Variants in GLYCTK observed in about 807,000 individuals in gnomAD.
The protein encoded by GLYCTK is HBeAg binding protein 4.
In GLYCTK, 22 loss-of-function variants were observed where a neutral mutation model predicts 24.8. The observed-to-expected ratio is 0.89, with a 90% CI of 0.63 to 1.27. The LOEUF (loss-of-function observed/expected upper bound fraction) is 1.27. Among genes scored for constraint, GLYCTK ranks in the 50% most tolerant of loss-of-function variants. GLYCTK has a pLI of 0.00. For synonymous variants in GLYCTK, 320 were observed against 297.2 expected, an observed-to-expected ratio of 1.08 and a Z score of -0.79; for missense variants, 684 against 686.7, an observed-to-expected ratio of 1.00 and a Z score of 0.04.
chr3:52,290,316 G>A lies in GLYCTK; in HGVS notation c.-27G>A, dbSNP rs1159827102. On this transcript the variant is annotated 5_prime_UTR_variant, in exon 2 of 5. Transcript: ENST00000436784. ...TTTTTCCCTCTAGGCAGCCATGGGTGCCAGGCAGTGCTGAGAGCAGTGGGG... is the reference window on the plus strand; with the variant it reads ...TTTTTCCCTCTAGGCAGCCATGGGTACCAGGCAGTGCTGAGAGCAGTGGGG... 1.3e-6 allele frequency: 2 copies of A among 1,591,562 alleles called. No homozygotes were observed. Among genetic ancestry groups the A allele is most frequent in the African/African-American group, 2.7e-5 (2 of 74,770 alleles).
In GLYCTK at chr3:52,291,795, A is replaced by G. The variant is rs747941622; in HGVS notation, c.578A>G (p.Glu193Gly). ...GCCCCCATCCCACCTGTCACACTGG[A>G]GGAGAAGCAGACACTCACTAGACTG... is the stretch of plus-strand genomic sequence containing the variant. ...LPAPIPPVTLEEKQTLTRLLA... is the reference protein window; with the variant it reads ...LPAPIPPVTLGEKQTLTRLLA... The change falls in exon 4 of 5, where the codon GAG becomes GGG. Residue 193 changes from glutamate (E) to glycine (G), a missense_variant. Coordinates refer to ENST00000436784, the MANE Select transcript of GLYCTK (RefSeq NM_145262.4). The G allele has an allele frequency of 3.0e-5, 48 of 1,613,632 alleles. No individual in the cohort carries two copies. The Middle Eastern group carries it at 8.2e-4, about 28-fold the overall frequency.
chr3:52,294,342 A>C lies in GLYCTK; in HGVS notation c.*1216A>C, dbSNP rs373806838. 1 of 533,592 alleles carries C rather than the reference A, an allele frequency of 1.9e-6. No homozygotes were observed. The highest frequency in any genetic ancestry group is 1.9e-5 in the Admixed American group (1 of 51,546). The allele number at this position is 533,592 out of a possible 1,614,324, so 33.1% of individuals were successfully genotyped here. On this transcript the variant is annotated 3_prime_UTR_variant, in exon 5 of 5. Coordinates refer to ENST00000436784, the MANE Select transcript of GLYCTK (RefSeq NM_145262.4). ...TCTTGCAGGCACTTCTTCCACCCCA[A>C]CCCTCCCCTCCTCCCTGAGGGTGTG...
chr3:52,293,567 G>T lies in GLYCTK; in HGVS notation c.*441G>T, dbSNP rs1337586920. 3 of 460,208 alleles carry T rather than the reference G, an allele frequency of 6.5e-6. No homozygotes were observed. The highest frequency in any genetic ancestry group is 4.0e-5 in the African/African-American group (2 of 50,268). 28.5% of individuals were successfully genotyped at this position (460,208 alleles called of 1,614,324 possible). On this transcript the variant is annotated 3_prime_UTR_variant, in exon 5 of 5. Transcript: ENST00000436784. ...GCTGCAGCCACAGTACCAGGGCCTGGCAGGACTCTTAACACCCCTCTACTG... is the reference window on the plus strand; with the variant it reads ...GCTGCAGCCACAGTACCAGGGCCTGTCAGGACTCTTAACACCCCTCTACTG...
In GLYCTK at chr3:52,291,124, A is replaced by G. The variant is rs1700455179; in HGVS notation, c.529+13A>G. ...GTGCTGATCTCAGGTGTGGTACCAC[A>G]TTGGCCCAAGACTGTTGGTGGGGGG... On this transcript the variant is annotated intron_variant, in intron 3 of 4. Coordinates refer to ENST00000436784, the MANE Select transcript of GLYCTK (RefSeq NM_145262.4). 1.2e-6 allele frequency: 2 copies of G among 1,607,792 alleles called. No individual in the cohort carries two copies. The highest frequency in any genetic ancestry group is 1.7e-6 in the Non-Finnish European group (2 of 1,179,910).
At position 52,294,108 on chromosome 3, in the gene GLYCTK, A is replaced by G. The variant is rs1398050638; in HGVS notation, c.*982A>G. The G allele has an allele frequency of 3.8e-6, 2 of 527,042 alleles. No individual in the cohort carries two copies. The highest frequency in any genetic ancestry group is 2.8e-5 in the South Asian group (2 of 71,296). The allele number at this position is 527,042 out of a possible 1,614,324, so 32.6% of individuals were successfully genotyped here. ...CTGGCGGGAGAAGAGGCAAGTGGGA[A>G]TAGAGGAACGGCTGTGTTGGCCTGG... On this transcript the variant is annotated 3_prime_UTR_variant, in exon 5 of 5. Coordinates refer to ENST00000436784, the MANE Select transcript of GLYCTK (RefSeq NM_145262.4).
Position 52,292,306 on chromosome 3 carries a change from T to C in GLYCTK, c.752T>C (p.Val251Ala), listed in dbSNP as rs1578029548. The change falls in exon 5 of 5, where the codon GTG becomes GCG. Residue 251 changes from valine (V) to alanine (A), a missense_variant. Transcript: ENST00000436784. The stretch of plus-strand genomic sequence containing the variant: ...GATGTGGTGGGGGACCCTGTGGAGG[T>C]GATTGCCAGTGGCCCCACCGTGGCC... Reference protein sequence around the residue: ...LSDVVGDPVEVIASGPTVASS... With the variant: ...LSDVVGDPVEAIASGPTVASS... The C allele has an allele frequency of 6.2e-7, 1 of 1,613,550 alleles. No homozygotes were observed. The highest frequency in any genetic ancestry group is 2.2e-5 in the East Asian group (1 of 44,854).
chr3:52,292,349 A>G lies in GLYCTK; in HGVS notation c.795A>G (p.Gln265=), dbSNP rs773641935. The G allele has an allele frequency of 1.9e-6, 3 of 1,613,990 alleles. No individual in the cohort carries two copies. Among genetic ancestry groups the G allele is most frequent in the Middle Eastern group, 1.7e-4 (1 of 6,058 alleles). ...GPTVASSHNV[Q]DCLHILNRYG... is the part of the protein sequence containing the mutation. ...CCGTGGCCAGTTCCCACAATGTGCA[A>G]GATTGCCTGCATATCCTCAATCGCT... Residue 265 remains glutamine, a synonymous_variant, in exon 5 of 5, where the codon CAA becomes CAG. Coordinates refer to ENST00000436784, the MANE Select transcript of GLYCTK (RefSeq NM_145262.4).
At chr3:52,291,143 T>C in intron 3 of GLYCTK, 32 bp downstream of exon 3, 1 of 1,603,724 alleles carries the variant, frequency 6.2e-7, no homozygotes, top group Non-Finnish European at 8.5e-7. Context: ...AGACTGTTGG[T>C]GGGGGGTGCA....
chr3:52,293,582 C>A lies in GLYCTK; in HGVS notation c.*456C>A. ...CCAGGGCCTGGCAGGACTCTTAACA[C>A]CCCTCTACTGGGCTGGGTACGTGCA... On this transcript the variant is annotated 3_prime_UTR_variant, in exon 5 of 5. Coordinates refer to ENST00000436784, the MANE Select transcript of GLYCTK (RefSeq NM_145262.4). 1 of 458,130 alleles carries A rather than the reference C, an allele frequency of 2.2e-6. No homozygotes were observed. The highest frequency in any genetic ancestry group is 1.6e-5 in the South Asian group (1 of 64,514). 28.4% of individuals were successfully genotyped at this position (458,130 alleles called of 1,614,324 possible). A position where few individuals can be genotyped will look rare whatever the true frequency, so the allele number is the denominator to read the frequency against.
rs774685756 is a variant in GLYCTK, at chr3:52,290,510, C to G, written c.168C>G (p.His56Gln). 2.5e-6 allele frequency: 4 copies of G among 1,613,526 alleles called. No homozygotes were observed. The highest frequency in any genetic ancestry group is 3.4e-6 in the Non-Finnish European group (4 of 1,180,028). Residue 56 changes from histidine (H) to glutamine (Q), a missense_variant, in exon 2 of 5, where the codon CAC (histidine) becomes CAG (glutamine). By Grantham distance (24) the His-to-Gln change is conservative. Transcript: ENST00000436784. Reference sequence around the variant, plus strand: ...CAGTGCTGCCGGGCCCCATGCTGCACCGGGCACTATCCTTGGACCCTGGTG... The same window carrying G: ...CAGTGCTGCCGGGCCCCATGCTGCAGCGGGCACTATCCTTGGACCCTGGTG... ...VGAVLPGPMLHRALSLDPGGR... is the reference protein window; with the variant it reads ...VGAVLPGPMLQRALSLDPGGR...
rs142600716 is a variant in GLYCTK, at chr3:52,292,402, C to T, written c.848C>T (p.Ser283Phe). 8.1e-5 allele frequency: 130 copies of T among 1,613,768 alleles called. No homozygotes were observed. The African/African-American group carries it at 1.6e-3, about 19-fold the overall frequency. ...GGCCTCCGTGCAGCCCTGCCACGTTCTGTGAAGACTGTGCTGTCTCGGGCC... is the reference window on the plus strand; with the variant it reads ...GGCCTCCGTGCAGCCCTGCCACGTTTTGTGAAGACTGTGCTGTCTCGGGCC... The part of the protein sequence containing the change: ...RYGLRAALPR[S>F]VKTVLSRADS... The change falls in exon 5 of 5, where the codon TCT becomes TTT. Residue 283 changes from serine to phenylalanine, a missense_variant. Coordinates refer to ENST00000436784, the MANE Select transcript of GLYCTK (RefSeq NM_145262.4).
rs1224064003 is a variant in GLYCTK at position 52,290,640 on chromosome 3, C to G, written c.298C>G (p.Leu100Val). 1 of 1,613,682 alleles carries G rather than the reference C, an allele frequency of 6.2e-7. No individual in the cohort carries two copies. Among genetic ancestry groups the G allele is most frequent in the Non-Finnish European group, 8.5e-7 (1 of 1,180,026 alleles). The change falls in exon 2 of 5, where the codon CTA (leucine) becomes GTA (valine). Residue 100 changes from leucine (L) to valine (V), a missense_variant. Leu to Val is a conservative substitution (Grantham distance 32). Coordinates refer to ENST00000436784, the MANE Select transcript of GLYCTK (RefSeq NM_145262.4). ...GGGTATGGCAGCTGCAGCTGAGGAACTACTGGGCCAGCATCTTGTGCAGGG... is the reference window on the plus strand; with the variant it reads ...GGGTATGGCAGCTGCAGCTGAGGAAGTACTGGGCCAGCATCTTGTGCAGGG... The part of the protein sequence containing the change: ...VLGMAAAAEE[L>V]LGQHLVQGVI...
Position 52,293,693 on chromosome 3 carries a change from G to A in GLYCTK, c.*567G>A, listed in dbSNP as rs1022049066. On this transcript the variant is annotated 3_prime_UTR_variant, in exon 5 of 5. Transcript: ENST00000436784. ...TTGGCTCCTGACAGCTTTGATGTGC[G>A]TGAGCAGAGACCCCAGGGAGGACAG... is the stretch of plus-strand genomic sequence containing the variant. 4.8e-5 allele frequency: 22 copies of A among 454,054 alleles called. No homozygotes were observed. The East Asian group carries it at 1.0e-3, about 22-fold the overall frequency. 28.1% of individuals were successfully genotyped at this position (454,054 alleles called of 1,614,324 possible). A position where few individuals can be genotyped will look rare whatever the true frequency, so the allele number is the denominator to read the frequency against.
At position 52,293,033 on chromosome 3, in the gene GLYCTK, C is replaced by T; in HGVS notation, c.1479C>T (p.Phe493=). The T allele has an allele frequency of 6.2e-7, 1 of 1,614,212 alleles. No homozygotes were observed. The highest frequency in any genetic ancestry group is 8.5e-7 in the Non-Finnish European group (1 of 1,180,044). ...FLAHNDSHTF[F]CCLQGGAHLL... ...CCCACAATGACTCACATACCTTCTT[C>T]TGCTGCCTCCAGGGTGGGGCACACC... The change falls in exon 5 of 5, where the codon TTC becomes TTT. Residue 493 remains phenylalanine, a synonymous_variant. Coordinates refer to ENST00000436784, the MANE Select transcript of GLYCTK (RefSeq NM_145262.4).
Position 52,292,952 on chromosome 3 carries a change from A to T in GLYCTK, c.1398A>T (p.Thr466=), listed in dbSNP as rs767077777. The change falls in exon 5 of 5, where the codon ACA becomes ACT. Residue 466 remains threonine (T), a synonymous_variant. Coordinates refer to ENST00000436784, the MANE Select transcript of GLYCTK (RefSeq NM_145262.4). ...CAGAGGCTGCTGGGGCCTGGGTCAC[A>T]CCTGAGCTTGCCAGCCAGGCTGCAG... The part of the protein sequence containing the change: ...GPTEAAGAWV[T]PELASQAAAE... 6.2e-7 allele frequency: 1 copy of T among 1,614,030 alleles called. No homozygotes were observed. Among genetic ancestry groups the T allele is most frequent in the Admixed American group, 1.7e-5 (1 of 60,022 alleles).
In GLYCTK at chr3:52,292,805, G is replaced by T; in HGVS notation, c.1251G>T (p.Ser417=). 6.2e-7 allele frequency: 1 copy of T among 1,611,796 alleles called. No homozygotes were observed. The change falls in exon 5 of 5, where the codon TCG becomes TCT. Residue 417 remains serine, a synonymous_variant. Transcript: ENST00000436784. ...GGEPTVQLQG[S]GRGGRNQELA... is the part of the protein sequence containing the mutation. ...AGCCCACAGTACAGCTGCAGGGCTC[G>T]GGCAGGGGTGGCCGGAACCAGGAAC...
At position 52,292,334 on chromosome 3, in the gene GLYCTK, T is replaced by C. The variant is rs775853314; in HGVS notation, c.780T>C (p.Ser260=). The C allele has an allele frequency of 6.2e-7, 1 of 1,613,998 alleles. No individual in the cohort carries two copies. Among genetic ancestry groups the C allele is most frequent in the Non-Finnish European group, 8.5e-7 (1 of 1,179,986 alleles). Residue 260 remains serine (S), a synonymous_variant, in exon 5 of 5, where the codon AGT becomes AGC. Coordinates refer to ENST00000436784, the MANE Select transcript of GLYCTK (RefSeq NM_145262.4). Reference sequence around the variant, plus strand: ...TTGCCAGTGGCCCCACCGTGGCCAGTTCCCACAATGTGCAAGATTGCCTGC... The same window carrying C: ...TTGCCAGTGGCCCCACCGTGGCCAGCTCCCACAATGTGCAAGATTGCCTGC... ...EVIASGPTVA[S]SHNVQDCLHI...
chr3:52,292,035 AC>A, intron 4 of GLYCTK, 113 bp downstream of exon 4: 1 of 1,226,198 alleles, frequency 8.2e-7, no homozygotes, highest in Non-Finnish European at 1.2e-6. Context: ...GGTGTGAAAG[AC>A]CATGGGGCCG....
rs553559197 is a variant in GLYCTK, at chr3:52,294,525, C to T, written c.*1399C>T. The T allele has an allele frequency of 3.1e-5, 12 of 381,740 alleles. No homozygotes were observed. The highest frequency in any genetic ancestry group is 6.3e-5 in the African/African-American group (3 of 47,556). The allele number at this position is 381,740 out of a possible 1,614,324, so 23.6% of individuals were successfully genotyped here. On this transcript the variant is annotated 3_prime_UTR_variant, in exon 5 of 5. Transcript: ENST00000436784. Reference sequence around the variant, plus strand: ...TTGGGAGGGAGGTAAACGTGGTAAGCGGGCTCTGGGGACCAGGGAGGTTTA... The same window carrying T: ...TTGGGAGGGAGGTAAACGTGGTAAGTGGGCTCTGGGGACCAGGGAGGTTTA...
Sources: gnomAD v4.1 joint callset for allele counts on GRCh38, gnomAD v4.1.1 for gene constraint, MANE v1.5 for transcripts, NCBI Gene and HGNC (gene_info 2026-07-23, HGNC 2026-07-21) for gene names.